RBKS: variants seen among roughly 807,000 people sequenced by gnomAD.
RBKS encodes the protein ribokinase.
In RBKS, 33 loss-of-function variants were observed where a neutral mutation model predicts 33.9. The ratio of observed to expected loss-of-function variants is 0.97; its 90% CI spans 0.74 to 1.30. RBKS has a LOEUF of 1.30. Ranked by LOEUF, RBKS falls within the 50% of genes most tolerant of loss-of-function variation. The pLI, the probability that RBKS is intolerant of heterozygous loss-of-function variation, is 0.00. For missense variants in RBKS, 361 were observed against 392.6 expected, an observed-to-expected ratio of 0.92 and a Z score of 0.68; for synonymous variants, 125 against 143.0, an observed-to-expected ratio of 0.87 and a Z score of 0.90.
chr2:27,817,092 A>C (rs758627944), intron 7 of RBKS, among the ~76,000 whole-genome samples: 1 of 152,194 alleles, frequency 6.6e-6, no homozygotes, highest in African/African-American at 2.4e-5. Context: ...CTTAACACTC[A>C]AACTAGTTAC....
chr2:27,887,176 G>C (rs1664551498), intron 1 of RBKS, among the ~76,000 whole-genome samples: 1 of 152,148 alleles, frequency 6.6e-6, no homozygotes, highest in Admixed American at 6.5e-5. Flanking sequence ...AGAAGACTGG[G>C]GATCAGAGTG....
In RBKS at chr2:27,810,226, A is replaced by G. The variant is rs756014846; in HGVS notation, c.795+17341T>C. ...GTCACTTTATCAGGGAAGGATGCAT[A>G]GTTACGTGAAGGCTGTGTTTCTACC... On this transcript the variant is annotated intron_variant, in intron 7 of 7. Coordinates refer to ENST00000302188, the MANE Select transcript of RBKS (RefSeq NM_022128.3). The surrounding 1 kb of genome is among the most constrained non-coding windows in gnomAD (Gnocchi z 4.4). Among the ~76,000 whole-genome samples the G allele has an allele frequency of 2.0e-5, 3 of 152,336 alleles. No individual in the cohort carries two copies. Among genetic ancestry groups the G allele is most frequent in the Admixed American group, 6.5e-5 (1 of 15,310 alleles).
At chr2:27,846,276 AATTC>A (rs903070845) in intron 4 of RBKS, among the ~76,000 whole-genome samples, 3 of 152,034 alleles carry the variant, frequency 2.0e-5, no homozygotes, top group Non-Finnish European at 2.9e-5. Context: ...CCTCTGTTTT[AATTC>A]ATTCATTCAT....
At chr2:27,801,464 T>TACACACACACACACACACAC (rs56063622) in intron 7 of RBKS, among the ~76,000 whole-genome samples, 4 of 136,260 alleles carry the variant, frequency 2.9e-5, no homozygotes, top group Non-Finnish European at 4.7e-5. Flanking sequence ...GGCCACAGTA[T>TACACACACACACACACACAC]ACACACACAC....
chr2:27,887,895 A>G lies in RBKS; in HGVS notation c.89+2362T>C, dbSNP rs996430454. Among the ~76,000 whole-genome samples, 3 of 152,142 alleles carry G rather than the reference A, an allele frequency of 2.0e-5. No homozygotes were observed. The South Asian group carries it at 6.2e-4, about 31-fold the overall frequency. ...TTTATCTAAAAACTGAAGGACTAGA[A>G]TAAATAATTTCCAAATTTTTCTAGC... On this transcript the variant is annotated intron_variant, in intron 1 of 7. Coordinates refer to ENST00000302188, the MANE Select transcript of RBKS (RefSeq NM_022128.3).
intron 6 of RBKS, among the ~76,000 whole-genome samples, chr2:27,832,176 A>G (rs1011235607): frequency 2.0e-5 from 3 of 152,202 alleles, no homozygotes; most frequent in Admixed American, 1.3e-4. Flanking sequence ...TCACTACAGA[A>G]TGTAGCAGAT....
At position 27,795,747 on chromosome 2, in the gene RBKS, A is replaced by C. The variant is rs1203618835; in HGVS notation, c.796-13959T>G. ...CACCCAGTGAAGGTTTGGGGCAAGC[A>C]GGCAAAGAGGGAGGGAAAAAGGAAG... On this transcript the variant is annotated intron_variant, in intron 7 of 7. Transcript: ENST00000302188. This position sits in a 1 kb window ranked among gnomAD's most constrained non-coding sequence, Gnocchi z 4.1. 6.6e-6 allele frequency among the ~76,000 whole-genome samples: 1 copy of C among 152,212 alleles called. No homozygotes were observed. The highest frequency in any genetic ancestry group is 1.5e-5 in the Non-Finnish European group (1 of 68,040).
At chr2:27,865,655 C>T (rs1664086593) in intron 1 of RBKS, among the ~76,000 whole-genome samples, 1 of 149,770 alleles carries the variant, frequency 6.7e-6, no homozygotes, top group Admixed American at 6.7e-5. Context: ...CTAAAGTGAG[C>T]CTCCTACCTT....
chr2:27,821,664 T>G (rs1437198763), intron 7 of RBKS, among the ~76,000 whole-genome samples: 5 of 152,150 alleles, frequency 3.3e-5, no homozygotes. Flanking sequence ...ATTAGTGGAA[T>G]AAAGGTGATA....
At chr2:27,846,977 C>T (rs948715263) in intron 4 of RBKS, 65 bp downstream of exon 4, 6 of 1,153,800 alleles carry the variant, frequency 5.2e-6, no homozygotes, top group Non-Finnish European at 6.5e-6. Flanking sequence ...AAAATTGATG[C>T]TTCTGATCTA....
intron 5 of RBKS, among the ~76,000 whole-genome samples, chr2:27,833,597 G>T (rs1016167048): frequency 2.6e-5 from 4 of 152,080 alleles, no homozygotes; most frequent in Non-Finnish European, 5.9e-5. Context: ...CAATTAAGAT[G>T]GACCCCTACT....
At chr2:27,801,963 A>AAAAAAT (rs1308232858) in intron 7 of RBKS, among the ~76,000 whole-genome samples, 21 of 47,612 alleles carry the variant, frequency 4.4e-4, no homozygotes, top group Non-Finnish European at 4.9e-4. Context: ...AAAAAAAAAA[A>AAAAAAT]ATATATATAT....
intron 7 of RBKS, among the ~76,000 whole-genome samples, chr2:27,822,788 G>T (rs919703507): frequency 5.9e-5 from 9 of 152,154 alleles, no homozygotes; most frequent in Non-Finnish European, 8.8e-5. Context: ...TAAATTCCCT[G>T]TGCCCCTGGC....
rs572325765 is a variant in RBKS at position 27,867,449 on chromosome 2, A to C, written c.90-8878T>G. On this transcript the variant is annotated intron_variant, in intron 1 of 7. Coordinates refer to ENST00000302188, the MANE Select transcript of RBKS (RefSeq NM_022128.3). Reference sequence around the variant, plus strand: ...CAGTTATGAAATTTCCGAATTGAAAATGAAGTTATGTGACGGGAGTCTTTA... The same window carrying C: ...CAGTTATGAAATTTCCGAATTGAAACTGAAGTTATGTGACGGGAGTCTTTA... 7.9e-5 allele frequency among the ~76,000 whole-genome samples: 12 copies of C among 152,304 alleles called. No homozygotes were observed. The South Asian group carries it at 2.3e-3, about 29-fold the overall frequency.
At chr2:27,835,927 A>G (rs1386736003) in intron 5 of RBKS, among the ~76,000 whole-genome samples, 1 of 152,060 alleles carries the variant, frequency 6.6e-6, no homozygotes, top group Non-Finnish European at 1.5e-5. Flanking sequence ...TAAAACACAT[A>G]GTATCTGGCC....
chr2:27,878,245 T>C (rs1442728410), intron 1 of RBKS, among the ~76,000 whole-genome samples: 3 of 149,492 alleles, frequency 2.0e-5, no homozygotes, highest in East Asian at 4.0e-4. Flanking sequence ...TGTGTTCTCA[T>C]TGTTCAGTTC....
At chr2:27,854,709 CAGTT>C (rs1663820101) in intron 2 of RBKS, among the ~76,000 whole-genome samples, 1 of 151,794 alleles carries the variant, frequency 6.6e-6, no homozygotes, top group East Asian at 1.9e-4. Flanking sequence ...CATAGCCTAT[CAGTT>C]AGCCCTGCAG....
Position 27,795,528 on chromosome 2 carries a change from G to T in RBKS, c.796-13740C>A, listed in dbSNP as rs188313711. Among the ~76,000 whole-genome samples the T allele has an allele frequency of 2.0e-5, 3 of 152,090 alleles. No homozygotes were observed. The highest frequency in any genetic ancestry group is 2.0e-4 in the Admixed American group (3 of 15,272). On this transcript the variant is annotated intron_variant, in intron 7 of 7. Coordinates refer to ENST00000302188, the MANE Select transcript of RBKS (RefSeq NM_022128.3). The surrounding 1 kb of genome is among the most constrained non-coding windows in gnomAD (Gnocchi z 4.1). Reference sequence around the variant, plus strand: ...TCCTCATCAAGAGGCAGCAAAGCCGGGTATTTATATACACACACACACAAC... The same window carrying T: ...TCCTCATCAAGAGGCAGCAAAGCCGTGTATTTATATACACACACACACAAC...
intron 2 of RBKS, 141 bp downstream of exon 2, chr2:27,858,298 A>AATGTATTAAATGCCACTCT (rs1440405089): frequency 1.5e-6 from 1 of 679,034 alleles, no homozygotes; most frequent in Non-Finnish European, 2.3e-6. Context: ...GTGGTGGTTG[A>AATGTATTAAATGCCACTCT]ATGTATTAAA....
Sources: gnomAD v4.1 joint callset for allele counts (sites outside exome capture counted in the v4.1 genomes callset) on GRCh38, gnomAD v4.1.1 for gene constraint, Gnocchi (gnomAD v3.1) non-coding constraint, MANE v1.5 for transcripts, NCBI Gene and HGNC (gene_info 2026-07-23, HGNC 2026-07-21) for gene names.